Variants in PRICKLE4 observed in about 807,000 individuals in gnomAD.
PRICKLE4 encodes the protein prickle planar cell polarity protein 4.
A neutral mutation model predicts 43.5 loss-of-function variants in PRICKLE4; 40 were observed. The ratio of observed to expected loss-of-function variants is 0.92; its 90% CI spans 0.71 to 1.20. The LOEUF (loss-of-function observed/expected upper bound fraction) is 1.20. PRICKLE4 is among the 50% of genes most tolerant of loss of function. The probability of loss-of-function intolerance (pLI) is 0.00; values close to 1 mark genes in which losing one functional copy is unlikely to be tolerated. For synonymous variants in PRICKLE4, 208 were observed against 197.4 expected (o/e 1.05, Z -0.45); for missense variants, 527 against 491.2 (o/e 1.07, Z -0.69).
intron 7 of PRICKLE4, 124 bp from the exon 8 acceptor site, chr6:41,786,638 C>CGGCGGCGCGCACGGCCCAGGGGCTG (rs1772658514): frequency 2.1e-6 from 3 of 1,449,722 alleles, no homozygotes; most frequent in Non-Finnish European, 2.8e-6. Context: ...CTCTCGGCGG[C>CGGCGGCGCGCACGGCCCAGGGGCTG]GGCGGCGGCG....
rs750356904 is a variant in PRICKLE4, at chr6:41,786,694, C to G, written c.788-68C>G. Reference sequence around the variant, plus strand: ...CGGGGCGGGAGGCTGGGCCTCACCCCCACTAGCTGCGGTGTAGGTCCAGCT... The same window carrying G: ...CGGGGCGGGAGGCTGGGCCTCACCCGCACTAGCTGCGGTGTAGGTCCAGCT... On this transcript the variant is annotated intron_variant, in intron 7 of 7. Coordinates refer to ENST00000458694, the MANE Select transcript of PRICKLE4 (RefSeq NM_013397.6). 3.1e-6 allele frequency: 5 copies of G among 1,607,242 alleles called. No individual in the cohort carries two copies. In the Admixed American group the frequency reaches 6.7e-5, roughly 22 times the overall value.
At chr6:41,782,381 TTCTTC>T (rs1221662164) in intron 2 of PRICKLE4, among the ~76,000 whole-genome samples, 1 of 116,634 alleles carries the variant, frequency 8.6e-6, no homozygotes, top group Non-Finnish European at 1.7e-5. Flanking sequence ...CAATGGTCAC[TTCTTC>T]TTTTTTTTTT....
chr6:41,785,919 C>T (rs1772635813), intron 6 of PRICKLE4, among the ~76,000 whole-genome samples: 1 of 152,200 alleles, frequency 6.6e-6, no homozygotes, highest in Non-Finnish European at 1.5e-5. Context: ...AGTCCAGACC[C>T]CCAGGTCGCA....
Position 41,785,474 on chromosome 6 carries a change from T to C in PRICKLE4, c.516T>C (p.Asp172=), listed in dbSNP as rs1249603334. 1.1e-5 allele frequency: 17 copies of C among 1,613,986 alleles called. No homozygotes were observed. The highest frequency in any genetic ancestry group is 1.4e-5 in the Non-Finnish European group (17 of 1,180,052). ...TAAACCTCATCTACTTCTACCATGA[T>C]GGACAACTCTACTGCGGCCGTCATC... ...ALINLIYFYH[D]GQLYCGRHHA... is the part of the protein sequence containing the mutation. Residue 172 remains aspartate (D), a synonymous_variant, in exon 6 of 8, where the codon GAT becomes GAC. Coordinates refer to ENST00000458694, the MANE Select transcript of PRICKLE4 (RefSeq NM_013397.6).
intron 3 of PRICKLE4, 86 bp downstream of exon 3, chr6:41,783,691 T>C (rs185915518): frequency 1.9e-6 from 3 of 1,585,572 alleles, no homozygotes; most frequent in Non-Finnish European, 2.6e-6. Flanking sequence ...CGGAGGTAGT[T>C]TGACTTCGTG....
chr6:41,784,965 G>A lies in PRICKLE4; in HGVS notation c.271G>A (p.Glu91Lys). The change falls in exon 5 of 8, where the codon GAG becomes AAG. Residue 91 changes from glutamate (E) to lysine (K), a missense_variant. Glu to Lys is a moderately conservative substitution (Grantham distance 56, BLOSUM62 1). Transcript: ENST00000458694. ...ERYCLALGEE[E>K]RAELQLFCAR... Reference sequence around the variant, plus strand: ...CTACTGCCTGGCCCTTGGGGAGGAGGAGCGGGCCGAGCTGCAGCTCTTCTG... The same window carrying A: ...CTACTGCCTGGCCCTTGGGGAGGAGAAGCGGGCCGAGCTGCAGCTCTTCTG... The A allele has an allele frequency of 6.2e-7, 1 of 1,614,062 alleles. No individual in the cohort carries two copies. Among genetic ancestry groups the A allele is most frequent in the South Asian group, 1.1e-5 (1 of 91,066 alleles).
intron 6 of PRICKLE4, among the ~76,000 whole-genome samples, chr6:41,785,904 T>C (rs1772635567): frequency 6.6e-6 from 1 of 152,200 alleles, no homozygotes; most frequent in African/African-American, 2.4e-5. Flanking sequence ...GAGCCCTGGG[T>C]TGGGAGTCCA....
intron 6 of PRICKLE4, among the ~76,000 whole-genome samples, 173 bp downstream of exon 6, chr6:41,785,713 G>C (rs7451020): frequency 6.6e-6 from 1 of 152,182 alleles, no homozygotes; most frequent in Non-Finnish European, 1.5e-5. Context: ...GGGCATGTAG[G>C]ACCCAGTGCC....
At chr6:41,783,315 T>G (rs1255746777) in intron 2 of PRICKLE4, 147 bp from the exon 3 acceptor site, 2 of 789,676 alleles carry the variant, frequency 2.5e-6, no homozygotes, top group Non-Finnish European at 3.7e-6. Flanking sequence ...GATCCTCAGT[T>G]GGGCCATCTG....
chr6:41,786,359 G>A, intron 7 of PRICKLE4, 27 bp downstream of exon 7: 1 of 1,544,480 alleles, frequency 6.5e-7, no homozygotes, highest in South Asian at 1.2e-5. Flanking sequence ...AGAGCAAAGC[G>A]GGAGGGAGCT....
chr6:41,787,368 C>T lies in PRICKLE4; in HGVS notation c.*239C>T. 3.1e-6 allele frequency: 2 copies of T among 649,776 alleles called. No individual in the cohort carries two copies. The highest frequency in any genetic ancestry group is 5.1e-6 in the Non-Finnish European group (2 of 392,658). 40.3% of individuals were successfully genotyped at this position (649,776 alleles called of 1,614,324 possible). A position where few individuals can be genotyped will look rare whatever the true frequency, so the allele number is the denominator to read the frequency against. On this transcript the variant is annotated 3_prime_UTR_variant, in exon 8 of 8. Transcript: ENST00000458694. ...AGCTACGCTTCCCCTGCTGAGATAG[C>T]CCCTACCCCCACCTCCACAGGCTGG...
In PRICKLE4 at chr6:41,787,169, G is replaced by T. The variant is rs369900495; in HGVS notation, c.*40G>T. ...GAGGGGATGTGAGTGGGAGGAAAGG[G>T]GTCTGTAAAGCGGGAGAACAAGGCT... On this transcript the variant is annotated 3_prime_UTR_variant, in exon 8 of 8. Coordinates refer to ENST00000458694, the MANE Select transcript of PRICKLE4 (RefSeq NM_013397.6). The T allele has an allele frequency of 1.9e-4, 299 of 1,545,950 alleles. No homozygotes were observed. Among genetic ancestry groups the T allele is most frequent in the Non-Finnish European group, 2.4e-4 (274 of 1,152,974 alleles).
At position 41,786,282 on chromosome 6, in the gene PRICKLE4, C is replaced by T; in HGVS notation, c.737C>T (p.Ser246Leu). The T allele has an allele frequency of 6.3e-7, 1 of 1,593,894 alleles. No individual in the cohort carries two copies. Among genetic ancestry groups the T allele is most frequent in the Non-Finnish European group, 8.6e-7 (1 of 1,166,114 alleles). Residue 246 changes from serine (S) to leucine (L), a missense_variant, in exon 7 of 8, where the codon TCG (serine) becomes TTG (leucine). Transcript: ENST00000458694. ...CCCAGCTGCTTCGAGAACCGCTACTCGGATGCAGGCTCGAGCTGGGCCGGG... is the reference window on the plus strand; with the variant it reads ...CCCAGCTGCTTCGAGAACCGCTACTTGGATGCAGGCTCGAGCTGGGCCGGG... ...CCPSCFENRYSDAGSSWAGAL... is the reference protein window; with the variant it reads ...CCPSCFENRYLDAGSSWAGAL...
At chr6:41,781,000 C>T (rs1772541901) in intron 1 of PRICKLE4, 174 bp downstream of exon 1, 1 of 157,948 alleles carries the variant, frequency 6.3e-6, no homozygotes, top group African/African-American at 2.4e-5. Context: ...CACTCCCCTT[C>T]CTTCTCCCTC....
Position 41,784,218 on chromosome 6 carries a change from C to G in PRICKLE4, c.220C>G (p.Leu74Val). ...WTGLQTLLQQLPPQDIDERYC... is the reference protein window; with the variant it reads ...WTGLQTLLQQVPPQDIDERYC... ...TGGACTTCAGACCCTCCTGCAGCAA[C>G]TCCCTCCGCAGGACATTGATGTGGG... The change falls in exon 4 of 8, where the codon CTC becomes GTC. Residue 74 changes from leucine (L) to valine (V), a missense_variant. By Grantham distance (32) the Leu-to-Val change is conservative. Transcript: ENST00000458694. The G allele has an allele frequency of 1.2e-6, 2 of 1,612,628 alleles. No individual in the cohort carries two copies. The highest frequency in any genetic ancestry group is 1.7e-6 in the Non-Finnish European group (2 of 1,179,192).
rs575631349 is a variant in PRICKLE4, at chr6:41,785,923, G to A, written c.583-205G>A. 2.0e-5 allele frequency among the ~76,000 whole-genome samples: 3 copies of A among 152,336 alleles called. No individual in the cohort carries two copies. The South Asian group carries it at 6.2e-4, about 32-fold the overall frequency. ...CCTGGGTTGGGAGTCCAGACCCCCA[G>A]GTCGCACTGGGGATTGTCCCACTTG... On this transcript the variant is annotated intron_variant, in intron 6 of 7. Transcript: ENST00000458694.
At chr6:41,784,354 G>A in intron 4 of PRICKLE4, 116 bp downstream of exon 4, 1 of 811,274 alleles carries the variant, frequency 1.2e-6, no homozygotes, top group Non-Finnish European at 1.9e-6. Context: ...GCCCAGCTAT[G>A]GCACTGGTTG....
At chr6:41,782,534 C>T (rs551730050) in intron 2 of PRICKLE4, among the ~76,000 whole-genome samples, 2 of 152,006 alleles carry the variant, frequency 1.3e-5, no homozygotes, top group East Asian at 1.9e-4. Flanking sequence ...GGACTATAGG[C>T]GCCCGCCACC....
At chr6:41,786,722 G>C in intron 7 of PRICKLE4, 40 bp from the exon 8 acceptor site, 1 of 1,611,902 alleles carries the variant, frequency 6.2e-7, no homozygotes, top group Non-Finnish European at 8.5e-7. Flanking sequence ...GTCCAGCTCC[G>C]CGGCTCTGAG....
Sources: allele counts gnomAD v4.1 joint callset (sites outside exome capture counted in the v4.1 genomes callset), GRCh38; gene constraint gnomAD v4.1.1; transcripts MANE v1.5; gene names NCBI Gene and HGNC (gene_info 2026-07-23, HGNC 2026-07-21).